EFHB: variants seen among roughly 807,000 people sequenced by gnomAD.
EFHB encodes the protein EF-hand domain family member B.
Under a neutral mutation model 87.2 loss-of-function variants are expected in EFHB, and 91 were observed. That is an observed-to-expected ratio of 1.04 (90% CI 0.88 to 1.24). The LOEUF is 1.24. EFHB is among the 50% of genes most tolerant of loss of function. The pLI is 0.00. For synonymous variants in EFHB, 325 were observed against 333.6 expected, an observed-to-expected ratio of 0.97 and a Z score of 0.28; for missense variants, 1,084 against 998.8, an observed-to-expected ratio of 1.09 and a Z score of -1.15.
At chr3:19,899,745 A>G (rs2931387) in intron 6 of EFHB, among the ~76,000 whole-genome samples, 74,289 of 152,044 alleles carry the variant, frequency 0.49, 20,299 homozygotes, top group African/African-American at 0.75. Context: ...AATATTTTTA[A>G]TAAATAAAAC....
At chr3:19,880,035 G>T (rs1486574701) in intron 12 of EFHB, among the ~76,000 whole-genome samples, 2 of 151,690 alleles carry the variant, frequency 1.3e-5, no homozygotes, top group Non-Finnish European at 2.9e-5. Context: ...TAATATGAGG[G>T]TGTTCAAATA....
Position 19,896,759 on chromosome 3 carries a change from A to AAC in EFHB, c.1651_1652dup (p.Arg552PhefsTer5), listed in dbSNP as rs748761364. On this transcript the variant is annotated frameshift_variant, in exon 9 of 13. Coordinates refer to ENST00000295824, the MANE Select transcript of EFHB (RefSeq NM_144715.4). LOFTEE classifies it high-confidence loss of function. ...AATTAACTTTCTTCAGGTGATGCCGAACTGCTGCAATCAGGGCTCGCTGTC... is the reference window on the plus strand; with the variant it reads ...AATTAACTTTCTTCAGGTGATGCCGAACACTGCTGCAATCAGGGCTCGCTGTC... 1,318 of 1,614,032 alleles carry AAC rather than the reference A, an allele frequency of 8.2e-4. 4 individuals are homozygous for AAC. Among genetic ancestry groups the AAC allele is most frequent in the Admixed American group, 2.0e-3 (118 of 60,014 alleles).
intron 5 of EFHB, among the ~76,000 whole-genome samples, chr3:19,908,210 T>C (rs1221018588): frequency 6.6e-6 from 1 of 152,098 alleles, no homozygotes; most frequent in Non-Finnish European, 1.5e-5. Context: ...CATACTGATA[T>C]ATACAAAAGT....
chr3:19,922,531 ACTTTCTGTAATG>A (rs1366191050), intron 1 of EFHB, among the ~76,000 whole-genome samples: 1 of 152,104 alleles, frequency 6.6e-6, no homozygotes, highest in East Asian at 1.9e-4. Context: ...GTAAAAGTAT[ACTTTCTGTAATG>A]CATTTCCTCT....
At chr3:19,896,378 C>T (rs1226149655) in intron 9 of EFHB, among the ~76,000 whole-genome samples, 2 of 152,154 alleles carry the variant, frequency 1.3e-5, no homozygotes, top group African/African-American at 4.8e-5. Flanking sequence ...CACACTTTGA[C>T]AACCAATAAT....
Position 19,919,911 on chromosome 3 carries a change from T to C in EFHB, c.918A>G (p.Arg306=). 1 of 1,613,830 alleles carries C rather than the reference T, an allele frequency of 6.2e-7. No individual in the cohort carries two copies. Among genetic ancestry groups the C allele is most frequent in the Non-Finnish European group, 8.5e-7 (1 of 1,179,776 alleles). ...NFRYPPAGVE[R]VFYGRANDPQ... is the part of the protein sequence containing the mutation. ...GATCATTTGCTCTTCCGTAAAATAC[T>C]CTTTCTACTCCAGCAGGTGGATATC... Residue 306 remains arginine (R), a synonymous_variant, in exon 3 of 13, where the codon AGA becomes AGG. Transcript: ENST00000295824.
At chr3:19,898,507 C>A (rs1425980987) in intron 8 of EFHB, among the ~76,000 whole-genome samples, 1 of 152,076 alleles carries the variant, frequency 6.6e-6, no homozygotes, top group Non-Finnish European at 1.5e-5. Context: ...TTAATATAGG[C>A]CATATTTATT....
chr3:19,919,874 G>A lies in EFHB; in HGVS notation c.955C>T (p.Pro319Ser). Residue 319 changes from proline (P) to serine (S), a missense_variant, in exon 3 of 13, where the codon CCT (proline) becomes TCT (serine). Physicochemically the swap from Pro to Ser is moderately conservative, Grantham distance 74. Transcript: ENST00000295824. ...GATCTAATTCCATGTGTCAAATAAGGTGCAATCTGGGGATCATTTGCTCTT... is the reference window on the plus strand; with the variant it reads ...GATCTAATTCCATGTGTCAAATAAGATGCAATCTGGGGATCATTTGCTCTT... The part of the protein sequence containing the change: ...YGRANDPQIA[P>S]YLTHGIRSKI... 1.2e-6 allele frequency: 2 copies of A among 1,613,536 alleles called. No individual in the cohort carries two copies. The highest frequency in any genetic ancestry group is 1.7e-6 in the Non-Finnish European group (2 of 1,179,614).
intron 1 of EFHB, among the ~76,000 whole-genome samples, chr3:19,921,919 C>A (rs899480784): frequency 6.6e-6 from 1 of 152,090 alleles, no homozygotes; most frequent in Non-Finnish European, 1.5e-5. Context: ...AATCCCAGCA[C>A]TTTGGGAGGT....
intron 1 of EFHB, chr3:19,941,276 T>A: frequency 3.6e-6 from 1 of 275,408 alleles, no homozygotes; most frequent in Non-Finnish European, 7.3e-6. Context: ...GTTCTTCAAA[T>A]AGGGCATGTG....
Position 19,934,024 on chromosome 3 carries a change from A to AT in EFHB, c.-7dup. On this transcript the variant is annotated 5_prime_UTR_variant, in exon 1 of 13. Transcript: ENST00000295824. ...TGTCCAATCTCCATGTTCATGGACGATTTCTCCCCATTCTCATTTCTCCAA... is the reference window on the plus strand; with the variant it reads ...TGTCCAATCTCCATGTTCATGGACGATTTTCTCCCCATTCTCATTTCTCCAA... 2 of 1,584,906 alleles carry AT rather than the reference A, an allele frequency of 1.3e-6. No homozygotes were observed. Among genetic ancestry groups the AT allele is most frequent in the Admixed American group, 1.8e-5 (1 of 54,328 alleles).
At chr3:19,920,025 T>G in intron 2 of EFHB, 49 bp from the exon 3 acceptor site, 1 of 1,600,584 alleles carries the variant, frequency 6.2e-7, no homozygotes, top group Non-Finnish European at 8.5e-7. Context: ...TTTCTAAAAA[T>G]ATTAACAGGA....
chr3:19,905,377 T>A (rs193173886), intron 6 of EFHB, among the ~76,000 whole-genome samples: 2 of 152,270 alleles, frequency 1.3e-5, no homozygotes, highest in Admixed American at 1.3e-4. Context: ...TATGTCTTTA[T>A]GTTTGCTTGC....
intron 3 of EFHB, among the ~76,000 whole-genome samples, chr3:19,919,343 C>A (rs1220410145): frequency 1.3e-5 from 2 of 151,400 alleles, no homozygotes; most frequent in Non-Finnish European, 2.9e-5. Context: ...ATTACAGGCG[C>A]CTGCTACCAT....
upstream of EFHB, among the ~76,000 whole-genome samples, chr3:19,934,421 T>C (rs1695958037): frequency 9.7e-6 from 1 of 103,528 alleles, no homozygotes; most frequent in African/African-American, 4.2e-5. Context: ...TCTCTCCCTC[T>C]CCTCTCCTTT....
intron 1 of EFHB, chr3:19,940,973 T>C (rs1696144906): frequency 3.2e-6 from 1 of 312,786 alleles, no homozygotes. Context: ...TCGGTTTCAA[T>C]ACCATGGGAA....
chr3:19,920,619 T>G, intron 1 of EFHB, 52 bp from the exon 2 acceptor site: 1 of 1,437,494 alleles, frequency 7.0e-7, no homozygotes, highest in African/African-American at 1.4e-5. Context: ...GAGGAGCATT[T>G]TGAAGAATGA....
In EFHB at chr3:19,911,287, C is replaced by A. The variant is rs143802588; in HGVS notation, c.1288+4016G>T. Among the ~76,000 whole-genome samples the A allele has an allele frequency of 5.8e-3, 880 of 152,220 alleles. 8 individuals carry two copies. Among genetic ancestry groups the A allele is most frequent in the African/African-American group, 0.02 (838 of 41,542 alleles). Reference sequence around the variant, plus strand: ...TAAAAAGAATCAAGCAAAGGCCAGGCGTGGTAGCTCACACCTGTAATCTGA... The same window carrying A: ...TAAAAAGAATCAAGCAAAGGCCAGGAGTGGTAGCTCACACCTGTAATCTGA... On this transcript the variant is annotated intron_variant, in intron 5 of 12. Transcript: ENST00000295824.
At chr3:19,913,175 C>T (rs561373188) in intron 5 of EFHB, among the ~76,000 whole-genome samples, 2 of 152,208 alleles carry the variant, frequency 1.3e-5, no homozygotes, top group South Asian at 4.1e-4. Context: ...GAAAGTTCTT[C>T]CTTCATACTG....
Sources: gnomAD v4.1 joint callset for allele counts (sites outside exome capture counted in the v4.1 genomes callset) on GRCh38, gnomAD v4.1.1 for gene constraint, MANE v1.5 for transcripts, NCBI Gene and HGNC (gene_info 2026-07-23, HGNC 2026-07-21) for gene names.